The following CNKSR3 variants were observed in gnomAD, a reference collection of about 807,000 sequenced individuals.
CNKSR3 encodes the protein CNKSR family member 3.
In CNKSR3, 36 loss-of-function variants were observed where a neutral mutation model predicts 67.7. That is an observed-to-expected ratio of 0.53 (90% confidence interval 0.41 to 0.70). CNKSR3 has a LOEUF of 0.70. Ranked by LOEUF, CNKSR3 falls within the 30% of genes least tolerant of loss-of-function variation. The pLI, the probability that CNKSR3 is intolerant of heterozygous loss-of-function variation, is 0.00. For synonymous variants in CNKSR3, 281 were observed against 271.4 expected (o/e 1.04, Z -0.35); for missense variants, 630 against 695.2 (o/e 0.91, Z 1.05).
chr6:154,412,229 T>C (rs948954442), intron 10 of CNKSR3, among the ~76,000 whole-genome samples: 1 of 152,186 alleles, frequency 6.6e-6, no homozygotes, highest in Non-Finnish European at 1.5e-5. Flanking sequence ...TCCATACCTT[T>C]AAACCGGGCA....
rs1286364260 is a variant in CNKSR3 at position 154,388,027 on chromosome 6, G to A, written c.*18327C>T. 6.7e-6 allele frequency: 1 copy of A among 150,260 alleles called. No individual in the cohort carries two copies. The allele number at this position is 150,260 out of a possible 1,614,324, so 9.3% of individuals were successfully genotyped here. On this transcript the variant is annotated 3_prime_UTR_variant, in exon 13 of 13. Transcript: ENST00000607772. Reference sequence around the variant, plus strand: ...TTTCTTTCTTTTTTTTTTTCAGTAAGAACACAAGGTGAGATCTATCTTAAC... The same window carrying A: ...TTTCTTTCTTTTTTTTTTTCAGTAAAAACACAAGGTGAGATCTATCTTAAC...
Position 154,397,431 on chromosome 6 carries a change from T to C in CNKSR3, c.*8923A>G, listed in dbSNP as rs1429733238. ...TTTCTGTTTTTTGGAGGGGATTTAATTGCTCATCTGATCTGAATGCCCATG... is the reference window on the plus strand; with the variant it reads ...TTTCTGTTTTTTGGAGGGGATTTAACTGCTCATCTGATCTGAATGCCCATG... On this transcript the variant is annotated 3_prime_UTR_variant, in exon 13 of 13. Transcript: ENST00000607772. 3 of 152,280 alleles carry C rather than the reference T, an allele frequency of 2.0e-5. No homozygotes were observed. Among genetic ancestry groups the C allele is most frequent in the Admixed American group, 2.0e-4 (3 of 15,290 alleles). The allele number at this position is 152,280 out of a possible 1,614,324, so 9.4% of individuals were successfully genotyped here.
intron 4 of CNKSR3, among the ~76,000 whole-genome samples, chr6:154,434,405 T>A (rs1785429294): frequency 6.6e-6 from 1 of 152,232 alleles, no homozygotes; most frequent in Non-Finnish European, 1.5e-5. Context: ...ATCTTAAAGA[T>A]AATGCTAATT....
intron 1 of CNKSR3, among the ~76,000 whole-genome samples, chr6:154,500,267 A>G (rs958955219): frequency 1.3e-5 from 2 of 150,260 alleles, no homozygotes; most frequent in South Asian, 4.2e-4. Context: ...ACACACACAC[A>G]CACACACACA....
chr6:154,465,115 T>A (rs113028949), intron 1 of CNKSR3, among the ~76,000 whole-genome samples: 1 of 119,454 alleles, frequency 8.4e-6, no homozygotes, highest in Non-Finnish European at 1.6e-5. Context: ...CACTCCAGCC[T>A]GGGCAACTGG....
chr6:154,452,938 C>T (rs945337719), intron 1 of CNKSR3, among the ~76,000 whole-genome samples: 1 of 152,212 alleles, frequency 6.6e-6, no homozygotes, highest in Non-Finnish European at 1.5e-5. Context: ...TTCTGTTGTT[C>T]CGGCCTCCCA....
At chr6:154,500,138 T>G (rs1786951931) in intron 1 of CNKSR3, among the ~76,000 whole-genome samples, 1 of 152,142 alleles carries the variant, frequency 6.6e-6, no homozygotes, top group Non-Finnish European at 1.5e-5. Context: ...TTTCCTCTAT[T>G]TCAAAGATCA....
chr6:154,441,847 CACA>C (rs753119111), intron 3 of CNKSR3, among the ~76,000 whole-genome samples: 2 of 152,120 alleles, frequency 1.3e-5, no homozygotes, highest in Non-Finnish European at 2.9e-5. Flanking sequence ...CTCAGTAAAA[CACA>C]ACCTTTAGCA....
Position 154,391,046 on chromosome 6 carries a change from C to T in CNKSR3, c.*15308G>A, listed in dbSNP as rs1193180730. On this transcript the variant is annotated 3_prime_UTR_variant, in exon 13 of 13. Coordinates refer to ENST00000607772, the MANE Select transcript of CNKSR3 (RefSeq NM_173515.4). ...GAACTCCTGACCTCAAGTGATTTGC[C>T]CACCTTGGCCTCCCAAACTGCTAGG... is the stretch of plus-strand genomic sequence containing the variant. 1 of 152,020 alleles carries T rather than the reference C, an allele frequency of 6.6e-6. No homozygotes were observed. The highest frequency in any genetic ancestry group is 1.5e-5 in the Non-Finnish European group (1 of 68,062). The allele number at this position is 152,020 out of a possible 1,614,324, so 9.4% of individuals were successfully genotyped here. A position where few individuals can be genotyped will look rare whatever the true frequency, so the allele number is the denominator to read the frequency against.
intron 12 of CNKSR3, among the ~76,000 whole-genome samples, chr6:154,407,872 G>GAAAAA (rs56406534): frequency 0.024 from 1,650 of 68,638 alleles, 301 homozygotes; most frequent in Non-Finnish European, 0.032. Flanking sequence ...TTTAGAATTT[G>GAAAAA]AAAAAAAAAA....
In CNKSR3 at chr6:154,400,590, G is replaced by A. The variant is rs541768685; in HGVS notation, c.*5764C>T. 1.3e-5 allele frequency: 2 copies of A among 152,240 alleles called. No individual in the cohort carries two copies. Among genetic ancestry groups the A allele is most frequent in the Admixed American group, 6.5e-5 (1 of 15,298 alleles). The allele number at this position is 152,240 out of a possible 1,614,324, so 9.4% of individuals were successfully genotyped here. Reference sequence around the variant, plus strand: ...TTTCTCTCCTCTATCCAAATCAGTAGGCCATAGGCCATTATTTAAGACAAA... The same window carrying A: ...TTTCTCTCCTCTATCCAAATCAGTAAGCCATAGGCCATTATTTAAGACAAA... On this transcript the variant is annotated 3_prime_UTR_variant, in exon 13 of 13. Transcript: ENST00000607772.
rs1584042398 is a variant in CNKSR3, at chr6:154,401,020, C to T, written c.*5334G>A. ...GAGGGACCCTAACTAGGGGTTAATA[C>T]ATCATGCAAAATTTTCCACGTATTG... On this transcript the variant is annotated 3_prime_UTR_variant, in exon 13 of 13. Coordinates refer to ENST00000607772, the MANE Select transcript of CNKSR3 (RefSeq NM_173515.4). 1 of 152,146 alleles carries T rather than the reference C, an allele frequency of 6.6e-6. No homozygotes were observed. Among genetic ancestry groups the T allele is most frequent in the African/African-American group, 2.4e-5 (1 of 41,424 alleles). The allele number at this position is 152,146 out of a possible 1,614,324, so 9.4% of individuals were successfully genotyped here. A position where few individuals can be genotyped will look rare whatever the true frequency, so the allele number is the denominator to read the frequency against.
chr6:154,393,225 C>G lies in CNKSR3; in HGVS notation c.*13129G>C, dbSNP rs920797949. The G allele has an allele frequency of 1.3e-5, 2 of 152,126 alleles. No homozygotes were observed. Among genetic ancestry groups the G allele is most frequent in the African/African-American group, 4.8e-5 (2 of 41,422 alleles). The allele number at this position is 152,126 out of a possible 1,614,324, so 9.4% of individuals were successfully genotyped here. A position where few individuals can be genotyped will look rare whatever the true frequency, so the allele number is the denominator to read the frequency against. On this transcript the variant is annotated 3_prime_UTR_variant, in exon 13 of 13. Coordinates refer to ENST00000607772, the MANE Select transcript of CNKSR3 (RefSeq NM_173515.4). ...CACTGCACCCACCTACTTAGTGTTT[C>G]TAATCCCCAGGATATATATCTAGGA...
At chr6:154,407,387 C>G (rs1291000747) in intron 12 of CNKSR3, among the ~76,000 whole-genome samples, 2 of 152,162 alleles carry the variant, frequency 1.3e-5, no homozygotes, top group African/African-American at 4.8e-5. Context: ...TGAATAGAAA[C>G]TTAAAATACA....
At chr6:154,427,560 T>C (rs1584072270) in intron 7 of CNKSR3, among the ~76,000 whole-genome samples, 1 of 152,198 alleles carries the variant, frequency 6.6e-6, no homozygotes, top group South Asian at 2.1e-4. Context: ...ACTCTACACA[T>C]AGCAGAATTT....
In CNKSR3 at chr6:154,406,436, C is replaced by A; in HGVS notation, c.1586G>T (p.Gly529Val). Reference protein sequence around the residue: ...FQEEGTKKKSGSSATKSSSTE... With the variant: ...FQEEGTKKKSVSSATKSSSTE... ...GGACGAGGACTTCGTAGCTGAGGAG[C>A]CAGATTTCTTTTTGGTCCCTTCCTC... The change falls in exon 13 of 13, where the codon GGC becomes GTC. Residue 529 changes from glycine (G) to valine (V), a missense_variant. Transcript: ENST00000607772. 1.2e-6 allele frequency: 2 copies of A among 1,614,124 alleles called. No individual in the cohort carries two copies. Among genetic ancestry groups the A allele is most frequent in the Non-Finnish European group, 1.7e-6 (2 of 1,180,036 alleles).
At chr6:154,485,818 G>A (rs1292382916) in intron 1 of CNKSR3, among the ~76,000 whole-genome samples, 1 of 152,180 alleles carries the variant, frequency 6.6e-6, no homozygotes, top group Admixed American at 6.5e-5. Flanking sequence ...TGTAAGATCT[G>A]CTTCTATAAG....
At chr6:154,469,777 C>T (rs892320893) in intron 1 of CNKSR3, among the ~76,000 whole-genome samples, 4 of 152,080 alleles carry the variant, frequency 2.6e-5, no homozygotes, top group Admixed American at 2.6e-4. Flanking sequence ...GCATGCCAAC[C>T]CCCTCATAGT....
At position 154,430,133 on chromosome 6, in the gene CNKSR3, T is replaced by C. The variant is rs894454308; in HGVS notation, c.669+339A>G. ...AGTCCCTTCTCACATTCATCCTAAGTGCTAATACTTTCAGAGCAGATGTTA... is the reference window on the plus strand; with the variant it reads ...AGTCCCTTCTCACATTCATCCTAAGCGCTAATACTTTCAGAGCAGATGTTA... On this transcript the variant is annotated intron_variant, in intron 6 of 12. Coordinates refer to ENST00000607772, the MANE Select transcript of CNKSR3 (RefSeq NM_173515.4). Among the ~76,000 whole-genome samples, 15 of 152,334 alleles carry C rather than the reference T, an allele frequency of 9.8e-5. 2 individuals are homozygous for C. The highest frequency in any genetic ancestry group is 1.3e-4 in the Admixed American group (2 of 15,294).
Sources: gnomAD v4.1 joint callset for allele counts (sites outside exome capture counted in the v4.1 genomes callset) on GRCh38, gnomAD v4.1.1 for gene constraint, MANE v1.5 for transcripts, NCBI Gene and HGNC (gene_info 2026-07-23, HGNC 2026-07-21) for gene names.